Variants in CDH18 observed in about 807,000 individuals in gnomAD.
CDH18 encodes cadherin-18.
Under a neutral mutation model 67.9 loss-of-function variants are expected in CDH18, and 31 were observed. That is an observed-to-expected ratio of 0.46 (90% CI 0.34 to 0.62). CDH18 has a LOEUF of 0.62. Among genes scored for constraint, CDH18 ranks in the 20% least tolerant of loss-of-function variants. The probability of loss-of-function intolerance (pLI) is 0.01; values close to 1 mark genes in which losing one functional copy is unlikely to be tolerated. For missense variants in CDH18, 890 were observed against 975.5 expected (o/e 0.91, Z 1.17); for synonymous variants, 362 against 347.2 (o/e 1.04, Z -0.48).
At chr5:20,063,452 C>A (rs1281436330) in intron 2 of CDH18, among the ~76,000 whole-genome samples, 1 of 151,758 alleles carries the variant, frequency 6.6e-6, no homozygotes, top group Non-Finnish European at 1.5e-5. Context: ...ATTTATTTAC[C>A]ATTATCTTGT....
At chr5:19,842,992 T>C (rs1603702) in intron 2 of CDH18, among the ~76,000 whole-genome samples, 5,756 of 152,164 alleles carry the variant, frequency 0.038, 360 homozygotes, top group African/African-American at 0.13. Context: ...GGAACTTATG[T>C]TTAAAAGGGA....
At chr5:19,559,842 A>T (rs1739113621) in intron 8 of CDH18, among the ~76,000 whole-genome samples, 1 of 151,456 alleles carries the variant, frequency 6.6e-6, no homozygotes. Flanking sequence ...TGCACAAATC[A>T]GTAGCTCTGC....
chr5:20,554,263 C>T (rs1293886796), intron 1 of CDH18, among the ~76,000 whole-genome samples: 2 of 152,064 alleles, frequency 1.3e-5, no homozygotes, highest in African/African-American at 2.4e-5. Flanking sequence ...TAAAAATAGG[C>T]GATGGTCCAG....
At chr5:20,360,280 T>C (rs2150070462) in intron 1 of CDH18, among the ~76,000 whole-genome samples, 1 of 152,200 alleles carries the variant, frequency 6.6e-6, no homozygotes, top group African/African-American at 2.4e-5. Context: ...GTAGCTAAGT[T>C]GCTTCTCTAA....
chr5:20,219,049 A>C (rs1257882828), intron 2 of CDH18, among the ~76,000 whole-genome samples: 1 of 152,012 alleles, frequency 6.6e-6, no homozygotes, highest in African/African-American at 2.4e-5. Flanking sequence ...AAATTGAAAA[A>C]AAATCAATGA....
intron 1 of CDH18, among the ~76,000 whole-genome samples, chr5:20,281,008 T>C (rs1284353928): frequency 2.0e-5 from 3 of 152,224 alleles, no homozygotes; most frequent in Non-Finnish European, 2.9e-5. Flanking sequence ...ATGTCTTCTT[T>C]TGAGAAGTGT....
At chr5:20,382,692 G>A (rs537995036) in intron 1 of CDH18, among the ~76,000 whole-genome samples, 2 of 152,218 alleles carry the variant, frequency 1.3e-5, no homozygotes, top group South Asian at 2.1e-4. Context: ...AGCAATAAAC[G>A]TGATGTCCCT....
intron 5 of CDH18, among the ~76,000 whole-genome samples, chr5:19,628,597 T>C (rs1301959436): frequency 6.6e-6 from 1 of 152,042 alleles, no homozygotes; most frequent in Non-Finnish European, 1.5e-5. Context: ...TCCAAAGTGT[T>C]TGACCTAGAA....
intron 1 of CDH18, among the ~76,000 whole-genome samples, chr5:20,262,731 C>T (rs1744743546): frequency 6.6e-6 from 1 of 152,006 alleles, no homozygotes; most frequent in South Asian, 2.1e-4. Context: ...GTAATGTCTA[C>T]ATATATCAGT....
intron 2 of CDH18, among the ~76,000 whole-genome samples, chr5:20,001,443 G>A (rs189734030): frequency 2.6e-5 from 4 of 151,890 alleles, no homozygotes; most frequent in African/African-American, 7.2e-5. Flanking sequence ...ATGACATAAA[G>A]TCTGATTATT....
intron 2 of CDH18, among the ~76,000 whole-genome samples, chr5:20,070,002 T>A (rs1027814037): frequency 6.6e-6 from 1 of 152,194 alleles, no homozygotes; most frequent in Non-Finnish European, 1.5e-5. Flanking sequence ...GTACTGGCCA[T>A]TGTAGTATCA....
At chr5:20,438,156 G>T (rs902069128) in intron 1 of CDH18, among the ~76,000 whole-genome samples, 1 of 150,632 alleles carries the variant, frequency 6.6e-6, no homozygotes, top group Non-Finnish European at 1.5e-5. Context: ...CCCTATTCAC[G>T]AATAAAGTAC....
chr5:20,020,929 C>T (rs952210503), intron 2 of CDH18, among the ~76,000 whole-genome samples: 7 of 152,062 alleles, frequency 4.6e-5, no homozygotes, highest in African/African-American at 1.7e-4. Context: ...GAAAAAGTCG[C>T]AGACATTGAA....
At position 20,569,245 on chromosome 5, in the gene CDH18, A is replaced by G. The variant is rs78733207; in HGVS notation, c.-580+6217T>C. Among the ~76,000 whole-genome samples the G allele has an allele frequency of 8.2e-3, 1,250 of 152,350 alleles. 13 individuals carry two copies. The highest frequency in any genetic ancestry group is 0.029 in the African/African-American group (1,190 of 41,586). ...GAAAAGAAAAGGGGAATGGAGAGGA[A>G]AAGAAAGTCAGAGACATTAAAACAT... On this transcript the variant is annotated intron_variant, in intron 1 of 14. Transcript: ENST00000507958.
chr5:19,750,812 T>A (rs1414656802), intron 3 of CDH18, among the ~76,000 whole-genome samples: 1 of 140,184 alleles, frequency 7.1e-6, no homozygotes, highest in Admixed American at 7.1e-5. Flanking sequence ...AAGGGCATTG[T>A]AGCAGGGTCT....
intron 5 of CDH18, among the ~76,000 whole-genome samples, chr5:19,699,370 A>G (rs538834481): frequency 6.6e-5 from 10 of 152,248 alleles, no homozygotes; most frequent in Admixed American, 2.0e-4. Context: ...ACAGAATCCA[A>G]CTTCAGTGTT....
intron 1 of CDH18, among the ~76,000 whole-genome samples, chr5:20,273,874 A>G (rs1745614783): frequency 6.6e-6 from 1 of 152,156 alleles, no homozygotes; most frequent in Non-Finnish European, 1.5e-5. Flanking sequence ...TGTATCCTTT[A>G]AAAAGATATG....
intron 11 of CDH18, among the ~76,000 whole-genome samples, chr5:19,496,811 C>CAAAAAAAAA (rs777601146): frequency 2.7e-5 from 2 of 75,206 alleles, no homozygotes; most frequent in African/African-American, 5.1e-5. Context: ...GACTCCATCT[C>CAAAAAAAAA]AAAAAAAAAA....
intron 1 of CDH18, among the ~76,000 whole-genome samples, chr5:20,282,215 T>C (rs954964564): frequency 6.6e-6 from 1 of 152,174 alleles, no homozygotes; most frequent in African/African-American, 2.4e-5. Context: ...TTCTTTCTCC[T>C]GCCTGACTGC....
Sources: allele counts gnomAD v4.1 joint callset (sites outside exome capture counted in the v4.1 genomes callset), GRCh38; gene constraint gnomAD v4.1.1; transcripts MANE v1.5; gene names NCBI Gene and HGNC (gene_info 2026-07-23, HGNC 2026-07-21).